The following GGTA1 variants were observed in gnomAD, a reference collection of about 807,000 sequenced individuals.
The protein encoded by GGTA1 is inactive N-acetyllactosaminide alpha-1,3-galactosyltransferase.
GGTA1 carries 5 observed loss-of-function variants against 2.6 expected under a neutral mutation model. The observed-to-expected ratio is 1.92, with a 90% CI of 1.00 to 4.04. The LOEUF is 4.04. Ranked by LOEUF, GGTA1 falls within the 30% of genes most tolerant of loss-of-function variation. GGTA1 has a pLI of 0.00. For missense variants in GGTA1, 50 were observed against 16.7 expected (o/e 2.99, Z -3.47); for synonymous variants, 17 against 5.0 (o/e 3.38, Z -3.19).
intron 1 of GGTA1, among the ~76,000 whole-genome samples, chr9:121,468,408 C>G (rs1001135857): frequency 2.0e-4 from 31 of 152,158 alleles, no homozygotes; most frequent in African/African-American, 7.2e-4. Flanking sequence ...TTTTCTTTAT[C>G]CAGTCTATCA....
chr9:121,462,841 T>C (rs1185706846), intron 3 of GGTA1: 2 of 154,002 alleles, frequency 1.3e-5, no homozygotes, highest in Non-Finnish European at 2.9e-5. Flanking sequence ...ATTGGAAATA[T>C]AAAGGTTTAC....
chr9:121,461,872 T>C (rs901508644), intron 3 of GGTA1, among the ~76,000 whole-genome samples: 20 of 152,238 alleles, frequency 1.3e-4, no homozygotes, highest in African/African-American at 4.3e-4. Context: ...TTCAGATTGT[T>C]GTAAAAGTCT....
At chr9:121,473,038 A>G (rs571557902) in intron 1 of GGTA1, among the ~76,000 whole-genome samples, 2 of 152,080 alleles carry the variant, frequency 1.3e-5, no homozygotes, top group South Asian at 2.1e-4. Context: ...TAAGACTTAC[A>G]ATTGGATGAC....
chr9:121,456,499 C>T (rs1307834986), intron 5 of GGTA1, among the ~76,000 whole-genome samples: 2 of 152,000 alleles, frequency 1.3e-5, no homozygotes, highest in South Asian at 4.1e-4. Flanking sequence ...CTTACTGCAA[C>T]CTCTGCCTCC....
chr9:121,454,276 T>G (rs1227292337), downstream of GGTA1, among the ~76,000 whole-genome samples: 1 of 152,218 alleles, frequency 6.6e-6, no homozygotes, highest in Non-Finnish European at 1.5e-5. Context: ...ACCCACCACG[T>G]ACACTTTCTC....
downstream of GGTA1, among the ~76,000 whole-genome samples, chr9:121,452,754 G>A (rs1487597370): frequency 6.6e-6 from 1 of 152,116 alleles, no homozygotes; most frequent in Non-Finnish European, 1.5e-5. Flanking sequence ...CCTGACCTCA[G>A]GTGATCCGCC....
At chr9:121,449,639 A>T (rs1381908544) in intron 7 of GGTA1, among the ~76,000 whole-genome samples, 2 of 152,150 alleles carry the variant, frequency 1.3e-5, no homozygotes, top group Non-Finnish European at 2.9e-5. Context: ...CAGGAGTTTG[A>T]GACCAGCCTG....
At chr9:121,487,501 G>A (rs1265518025) in intron 1 of GGTA1, among the ~76,000 whole-genome samples, 9 of 149,498 alleles carry the variant, frequency 6.0e-5, no homozygotes, top group Non-Finnish European at 7.4e-5. Context: ...GTTTGAACCC[G>A]GGAGGCAGAG....
intron 1 of GGTA1, among the ~76,000 whole-genome samples, chr9:121,490,175 T>C (rs891361244): frequency 3.3e-5 from 5 of 152,220 alleles, no homozygotes; most frequent in Non-Finnish European, 5.9e-5. Flanking sequence ...GTGGAATTAC[T>C]AGTACTTCTA....
rs2064906598 is a variant in GGTA1 at position 121,455,784 on chromosome 9, T to C, written c.*53A>G. 2.2e-6 allele frequency: 1 copy of C among 453,400 alleles called. No individual in the cohort carries two copies. The highest frequency in any genetic ancestry group is 2.4e-5 in the Admixed American group (1 of 42,408). 28.1% of individuals were successfully genotyped at this position (453,400 alleles called of 1,614,324 possible). ...CCGCATGATCTCTCAGTCCAGGTCT[T>C]CTAGAAGGACTGAGTCAGAAAACCA... On this transcript the variant is annotated 3_prime_UTR_variant, in exon 6 of 6. Transcript: ENST00000481799.
At chr9:121,475,616 C>G (rs1828494552) in intron 1 of GGTA1, among the ~76,000 whole-genome samples, 1 of 152,192 alleles carries the variant, frequency 6.6e-6, no homozygotes, top group African/African-American at 2.4e-5. Flanking sequence ...CAAACATGGA[C>G]TAGGCTACTG....
At position 121,498,716 on chromosome 9, in the gene GGTA1, G is replaced by A. The variant is rs1169557441; in HGVS notation, c.-10+934C>T. Reference sequence around the variant, plus strand: ...GAGCCCGAAGGAGTGCAAAGGAAGAGCAAAGCCTCAAAACACCTGCCTCGG... The same window carrying A: ...GAGCCCGAAGGAGTGCAAAGGAAGAACAAAGCCTCAAAACACCTGCCTCGG... On this transcript the variant is annotated intron_variant, in intron 1 of 5. Coordinates refer to ENST00000481799, the MANE Select transcript of GGTA1 (RefSeq NM_001382585.1). 2.6e-5 allele frequency among the ~76,000 whole-genome samples: 4 copies of A among 152,078 alleles called. No individual in the cohort carries two copies. In the East Asian group the frequency reaches 7.7e-4, roughly 29 times the overall value.
intron 1 of GGTA1, among the ~76,000 whole-genome samples, chr9:121,470,375 A>G (rs1828364108): frequency 6.6e-6 from 1 of 152,190 alleles, no homozygotes; most frequent in Admixed American, 6.5e-5. Flanking sequence ...GTTGGATGGA[A>G]GAGGAATTGG....
At chr9:121,493,801 G>T (rs1828928182) in intron 1 of GGTA1, among the ~76,000 whole-genome samples, 1 of 139,714 alleles carries the variant, frequency 7.2e-6, no homozygotes, top group Admixed American at 7.6e-5. Context: ...TTGTTGCCTA[G>T]GCTGGAGTGC....
intron 1 of GGTA1, among the ~76,000 whole-genome samples, chr9:121,471,178 C>T: frequency 6.6e-6 from 1 of 152,252 alleles, no homozygotes; most frequent in East Asian, 1.9e-4. Flanking sequence ...GCCAGCCACA[C>T]ACCAAATGTC....
rs1554838784 is a variant in GGTA1 at position 121,496,757 on chromosome 9, A to AAAAAAAAAAAAAAAAAAAAGAG, written c.-10+2892_-10+2893insCTCTTTTTTTTTTTTTTTTTTT. 5.4e-4 allele frequency among the ~76,000 whole-genome samples: 61 copies of AAAAAAAAAAAAAAAAAAAAGAG among 111,928 alleles called. 6 individuals are homozygous for AAAAAAAAAAAAAAAAAAAAGAG. Among genetic ancestry groups the AAAAAAAAAAAAAAAAAAAAGAG allele is most frequent in the Middle Eastern group, 5.9e-3 (1 of 170 alleles). 73.4% of individuals were successfully genotyped at this position (111,928 alleles called of 152,430 possible). On this transcript the variant is annotated intron_variant, in intron 1 of 5. Transcript: ENST00000481799. ...AAAAAAAAAAAAAAAAAAAAAAAAA[A>AAAAAAAAAAAAAAAAAAAAGAG]AGAGAGAGAGAATCGCTTGAATGAA...
At chr9:121,472,831 A>G (rs944846495) in intron 1 of GGTA1, among the ~76,000 whole-genome samples, 4 of 152,210 alleles carry the variant, frequency 2.6e-5, no homozygotes, top group South Asian at 2.1e-4. Context: ...CACGGTTGGA[A>G]ACATTGGCGC....
At chr9:121,470,866 A>G (rs565546051) in intron 1 of GGTA1, among the ~76,000 whole-genome samples, 9 of 152,334 alleles carry the variant, frequency 5.9e-5, no homozygotes, top group African/African-American at 2.2e-4. Context: ...TTTCAGGGAG[A>G]CTGATTTGAG....
At chr9:121,490,925 C>T (rs1250766569) in intron 1 of GGTA1, among the ~76,000 whole-genome samples, 2 of 152,166 alleles carry the variant, frequency 1.3e-5, no homozygotes, top group African/African-American at 2.4e-5. Flanking sequence ...TGAGCACTTC[C>T]TATGTTGAAT....
Sources: gnomAD v4.1 joint callset for allele counts (sites outside exome capture counted in the v4.1 genomes callset) on GRCh38, gnomAD v4.1.1 for gene constraint, MANE v1.5 for transcripts, NCBI Gene and HGNC (gene_info 2026-07-23, HGNC 2026-07-21) for gene names.